Variants in PHF24 observed in about 807,000 individuals in gnomAD.
PHF24 encodes PHD finger protein 24, also known as Galpha inhibitory interacting protein.
Under a neutral mutation model 42.6 loss-of-function variants are expected in PHF24, and 25 were observed. That is an observed-to-expected ratio of 0.59 (90% CI 0.43 to 0.82). The LOEUF is 0.82. Ranked by LOEUF, PHF24 falls within the 40% of genes least tolerant of loss-of-function variation. PHF24 has a pLI of 0.00. For missense variants in PHF24, 470 were observed against 538.1 expected, an observed-to-expected ratio of 0.87 and a Z score of 1.25; for synonymous variants, 185 against 204.8, an observed-to-expected ratio of 0.90 and a Z score of 0.83.
the PHF24 span, among the ~76,000 whole-genome samples, chr9:34,747,436 T>C: frequency 6.6e-6 from 1 of 151,922 alleles, no homozygotes; most frequent in African/African-American, 2.4e-5. Context: ...AAAAAAGTTA[T>C]ACAAATCAAC....
chr9:34,776,208 G>C, the PHF24 span, among the ~76,000 whole-genome samples: 1 of 152,074 alleles, frequency 6.6e-6, no homozygotes, highest in Non-Finnish European at 1.5e-5. Flanking sequence ...AAAAATCATA[G>C]AATTGTATAT....
At chr9:34,970,912 C>T (rs1826950781) in intron 1 of PHF24, among the ~76,000 whole-genome samples, 1 of 152,086 alleles carries the variant, frequency 6.6e-6, no homozygotes, top group African/African-American at 2.4e-5. Context: ...GGAAATAGCC[C>T]TCATTCCATA....
At chr9:34,702,950 C>T in the PHF24 span, among the ~76,000 whole-genome samples, 36 of 152,266 alleles carry the variant, frequency 2.4e-4, no homozygotes, top group African/African-American at 8.4e-4. Context: ...TATTTTGTCC[C>T]CAGATACAAG....
At chr9:34,729,491 C>T in the PHF24 span, 1 of 1,492,060 alleles carries the variant, frequency 6.7e-7, no homozygotes, top group Non-Finnish European at 9.0e-7. Flanking sequence ...GTTCTGGTGC[C>T]TAATGAATCC....
At chr9:34,884,096 C>T in the PHF24 span, among the ~76,000 whole-genome samples, 6 of 152,190 alleles carry the variant, frequency 3.9e-5, no homozygotes, top group East Asian at 3.9e-4. Flanking sequence ...ACCATCCTTC[C>T]GAGAAAACTA....
the PHF24 span, among the ~76,000 whole-genome samples, chr9:34,838,149 A>G: frequency 1.3e-5 from 2 of 152,170 alleles, no homozygotes; most frequent in African/African-American, 4.8e-5. Context: ...TTGGCTTTTC[A>G]ATTAGAGTAT....
chr9:34,756,648 T>C, the PHF24 span, among the ~76,000 whole-genome samples: 1 of 152,206 alleles, frequency 6.6e-6, no homozygotes, highest in Non-Finnish European at 1.5e-5. Context: ...AGCAGTGTGA[T>C]GCCTCCAGCT....
At chr9:34,837,080 G>T in the PHF24 span, 6 of 471,458 alleles carry the variant, frequency 1.3e-5, no homozygotes, top group East Asian at 4.2e-4. Context: ...TCATGACAGA[G>T]AACAGCTCTT....
At chr9:34,871,361 T>C in the PHF24 span, among the ~76,000 whole-genome samples, 1 of 152,232 alleles carries the variant, frequency 6.6e-6, no homozygotes, top group Non-Finnish European at 1.5e-5. Context: ...ATGTGTATTT[T>C]GCAAATATTT....
the PHF24 span, among the ~76,000 whole-genome samples, chr9:34,752,945 T>G: frequency 6.6e-6 from 1 of 152,138 alleles, no homozygotes; most frequent in Non-Finnish European, 1.5e-5. Context: ...CATGTGATCA[T>G]TTCAATTAAT....
chr9:34,716,960 C>T, the PHF24 span, among the ~76,000 whole-genome samples: 4 of 152,098 alleles, frequency 2.6e-5, no homozygotes, highest in South Asian at 2.1e-4. Context: ...TTCTGCATAA[C>T]GTGTGGTATT....
the PHF24 span, among the ~76,000 whole-genome samples, chr9:34,673,016 T>C: frequency 6.6e-6 from 1 of 151,970 alleles, no homozygotes. Context: ...AGGGGACAAA[T>C]ATTCAAACCA....
the PHF24 span, among the ~76,000 whole-genome samples, chr9:34,939,951 G>C: frequency 6.6e-6 from 1 of 152,246 alleles, no homozygotes; most frequent in East Asian, 1.9e-4. Context: ...TGTCATCTCA[G>C]ACAAATACCG....
the PHF24 span, chr9:34,726,954 G>A: frequency 1.8e-5 from 28 of 1,551,040 alleles, no homozygotes; most frequent in East Asian, 9.8e-5. Context: ...CACAGGATTC[G>A]CCGCACACTT....
At chr9:34,678,685 C>T in the PHF24 span, among the ~76,000 whole-genome samples, 1 of 151,756 alleles carries the variant, frequency 6.6e-6, no homozygotes, top group Admixed American at 6.6e-5. Flanking sequence ...GGCTGGAGTG[C>T]AGTGACACGA....
chr9:34,858,985 CTTAG>C, the PHF24 span, among the ~76,000 whole-genome samples: 2 of 152,130 alleles, frequency 1.3e-5, no homozygotes, highest in Non-Finnish European at 2.9e-5. Flanking sequence ...GCATGATCTA[CTTAG>C]TTTAAAGTAA....
rs370741081 is a variant in PHF24, at chr9:34,962,220, T to C, written c.-5+3819T>C. ...ATCTCAAACCAGTTCTTTGGGCTGA[T>C]GCTAATTCTTATGTGAAGACACGTT... On this transcript the variant is annotated intron_variant, in intron 1 of 7. Transcript: ENST00000242315. 2.6e-4 allele frequency among the ~76,000 whole-genome samples: 40 copies of C among 152,362 alleles called. No homozygotes were observed. In the East Asian group the frequency reaches 6.6e-3, roughly 25 times the overall value.
At chr9:34,873,168 G>C in the PHF24 span, among the ~76,000 whole-genome samples, 1 of 151,440 alleles carries the variant, frequency 6.6e-6, no homozygotes, top group African/African-American at 2.4e-5. Context: ...TGTTCACTCT[G>C]ATGGTAGTTT....
chr9:34,895,087 TAAAGAC>T, the PHF24 span: 1 of 398,582 alleles, frequency 2.5e-6, no homozygotes, highest in Admixed American at 4.4e-5. Context: ...CGGTGACACT[TAAAGAC>T]AAAAACATTA....
Sources: allele counts gnomAD v4.1 joint callset (sites outside exome capture counted in the v4.1 genomes callset), GRCh38; gene constraint gnomAD v4.1.1; transcripts MANE v1.5; gene names NCBI Gene and HGNC (gene_info 2026-07-23, HGNC 2026-07-21).